The following TEX11 variants were observed in gnomAD, a reference collection of about 807,000 sequenced individuals.
TEX11 encodes testis-expressed protein 11.
In TEX11, 7 loss-of-function variants were observed where a neutral mutation model predicts 84.4. The observed-to-expected ratio is 0.08, with a 90% confidence interval of 0.05 to 0.16. TEX11 has a LOEUF of 0.16. TEX11 is among the 10% of genes least tolerant of loss of function. TEX11 has a pLI of 1.00. For synonymous variants in TEX11, 264 were observed against 222.8 expected (o/e 1.18, Z -1.64); for missense variants, 551 against 660.5 (o/e 0.83, Z 1.82).
the TEX11 span, among the ~76,000 whole-genome samples, chrX:70,515,712 G>C: frequency 1.8e-5 from 2 of 112,405 alleles, no homozygotes; most frequent in Non-Finnish European, 3.8e-5. Context: ...TTCCACAATG[G>C]TTGAACTAGT....
At chrX:70,658,275 G>A (rs2089892552) in intron 16 of TEX11, among the ~76,000 whole-genome samples, 2 of 110,491 alleles carry the variant, frequency 1.8e-5, no homozygotes, top group South Asian at 3.9e-4. Context: ...AAATTAGCCG[G>A]GCACGATGGC....
At chrX:70,783,960 T>C (rs2091059905) in intron 9 of TEX11, among the ~76,000 whole-genome samples, 1 of 111,408 alleles carries the variant, frequency 9.0e-6, no homozygotes, top group South Asian at 3.8e-4. Context: ...GAGGGAAACC[T>C]CCCTATCTCA....
intron 3 of TEX11, 117 bp downstream of exon 3, chrX:70,879,871 A>T: frequency 1.7e-6 from 1 of 583,473 alleles, no homozygotes; most frequent in Non-Finnish European, 2.4e-6. Flanking sequence ...CCAAAAATAG[A>T]TTTTTATATG....
At chrX:70,869,166 A>G (rs902965922) in intron 4 of TEX11, among the ~76,000 whole-genome samples, 3 of 110,239 alleles carry the variant, frequency 2.7e-5, no homozygotes, top group Admixed American at 9.7e-5. Flanking sequence ...TCTTTATTCC[A>G]AAGTTCCAAA....
At chrX:70,595,145 G>A (rs915924915) in intron 24 of TEX11, among the ~76,000 whole-genome samples, 2 of 111,263 alleles carry the variant, frequency 1.8e-5, no homozygotes, top group Admixed American at 1.9e-4. Context: ...GCAATGGCGC[G>A]ATCTTGGCTC....
intron 28 of TEX11, among the ~76,000 whole-genome samples, chrX:70,539,034 A>ATTTT: frequency 6.2e-5 from 1 of 16,089 alleles, no homozygotes; most frequent in Non-Finnish European, 1.2e-4. Context: ...ATATATATAT[A>ATTTT]TATATTTTTT....
At chrX:70,632,724 T>A (rs1180358206) in intron 17 of TEX11, among the ~76,000 whole-genome samples, 1 of 111,246 alleles carries the variant, frequency 9.0e-6, no homozygotes, top group African/African-American at 3.3e-5. Flanking sequence ...AGAGAAGACA[T>A]AAATTACAAA....
downstream of TEX11, among the ~76,000 whole-genome samples, chrX:70,525,054 G>A (rs949834979): frequency 9.0e-6 from 1 of 111,075 alleles, no homozygotes; most frequent in African/African-American, 3.3e-5. Flanking sequence ...GGTGGTGCAT[G>A]CCTGTGGTCC....
At position 70,621,987 on chromosome X, in the gene TEX11, T is replaced by C. The variant is rs183491067; in HGVS notation, c.1751+1963A>G. On this transcript the variant is annotated intron_variant, in intron 20 of 29. Coordinates refer to ENST00000374333, the MANE Select transcript of TEX11 (RefSeq NM_031276.3). ...TGTATAATCTATTTAAGAGAAAAAC[T>C]GCTTTTAAAAGATTTAGCATATGAG... Among the ~76,000 whole-genome samples the C allele has an allele frequency of 2.4e-3, 270 of 111,100 alleles. 2 individuals are homozygous for C. Among genetic ancestry groups the C allele is most frequent in the African/African-American group, 8.1e-3 (249 of 30,621 alleles).
intron 24 of TEX11, among the ~76,000 whole-genome samples, chrX:70,592,531 C>T (rs957645477): frequency 1.8e-5 from 2 of 111,585 alleles, no homozygotes; most frequent in Non-Finnish European, 3.8e-5. Flanking sequence ...AAGCTCTATC[C>T]CAGGCATTGC....
At chrX:70,539,281 G>T (rs903271988) in intron 28 of TEX11, among the ~76,000 whole-genome samples, 1 of 107,997 alleles carries the variant, frequency 9.3e-6, no homozygotes, top group Admixed American at 1.0e-4. Context: ...TAATCCATCC[G>T]CCTCGGCCTC....
At chrX:70,848,766 C>G (rs954208516) in intron 7 of TEX11, among the ~76,000 whole-genome samples, 10 of 111,474 alleles carry the variant, frequency 9.0e-5, no homozygotes, top group African/African-American at 2.9e-4. Flanking sequence ...ATAGAGAAAG[C>G]TGGCTTTCAC....
At chrX:70,852,854 T>C (rs975925962) in intron 7 of TEX11, among the ~76,000 whole-genome samples, 180 bp downstream of exon 7, 4 of 111,663 alleles carry the variant, frequency 3.6e-5, no homozygotes, top group Non-Finnish European at 7.5e-5. Context: ...AGCCACCCCA[T>C]AGATTCCAAT....
intron 16 of TEX11, among the ~76,000 whole-genome samples, chrX:70,660,949 G>A (rs981597415): frequency 4.5e-5 from 5 of 111,890 alleles, no homozygotes; most frequent in Non-Finnish European, 5.6e-5. Flanking sequence ...CAGTGTGAGC[G>A]ACACAGAAGA....
intron 24 of TEX11, among the ~76,000 whole-genome samples, chrX:70,593,827 C>T (rs1242426650): frequency 9.1e-6 from 1 of 110,109 alleles, no homozygotes; most frequent in Non-Finnish European, 1.9e-5. Flanking sequence ...GCAGAGATTA[C>T]AAAATATGAG....
chrX:70,629,668 A>G lies in TEX11; in HGVS notation c.1551T>C (p.Val517=). The change falls in exon 18 of 30, where the codon GTT becomes GTC. Residue 517 remains valine (V), a synonymous_variant. Coordinates refer to ENST00000374333, the MANE Select transcript of TEX11 (RefSeq NM_031276.3). The stretch of plus-strand genomic sequence containing the variant: ...GCATGGTAGGTGAACCTCTCTCTGC[A>G]ACTAGATCATTATCTTCTGACTCTT... ...TDEESEDNDL[V]AERGSPTMLL... is the part of the protein sequence containing the mutation. 8.3e-7 allele frequency: 1 copy of G among 1,200,587 alleles called. No homozygotes were observed.
chrX:70,793,585 GC>G (rs1251088506), intron 9 of TEX11, among the ~76,000 whole-genome samples: 3 of 111,477 alleles, frequency 2.7e-5, no homozygotes, highest in Non-Finnish European at 5.6e-5. Context: ...TTCACCTTCT[GC>G]CATGAGAAAA....
At chrX:70,785,784 C>T (rs889539726) in intron 9 of TEX11, among the ~76,000 whole-genome samples, 31 of 111,672 alleles carry the variant, frequency 2.8e-4, no homozygotes, top group Non-Finnish European at 5.1e-4. Flanking sequence ...ATCTCACACC[C>T]GTTAGAATAG....
At position 70,535,349 on chromosome X, in the gene TEX11, C is replaced by G. The variant is rs1258148820; in HGVS notation, c.2521-5350G>C. ...ACCTACCAGTGGAATTTCTGGGTCA[C>G]AGGGTAACTATGTTTAACCTTCTGG... is the stretch of plus-strand genomic sequence containing the variant. On this transcript the variant is annotated intron_variant, in intron 28 of 29. Coordinates refer to ENST00000374333, the MANE Select transcript of TEX11 (RefSeq NM_031276.3). Among the ~76,000 whole-genome samples, 3 of 112,096 alleles carry G rather than the reference C, an allele frequency of 2.7e-5. No homozygotes were observed. The Admixed American group carries it at 2.8e-4, about 11-fold the overall frequency.
Sources: gnomAD v4.1 joint callset for allele counts (sites outside exome capture counted in the v4.1 genomes callset) on GRCh38, gnomAD v4.1.1 for gene constraint, MANE v1.5 for transcripts, NCBI Gene and HGNC (gene_info 2026-07-23, HGNC 2026-07-21) for gene names.